GOLGA8M: variants seen among roughly 807,000 people sequenced by gnomAD.
The protein encoded by GOLGA8M is golgin A8 family member M.
GOLGA8M carries 34 observed loss-of-function variants against 87.7 expected under a neutral mutation model. The ratio of observed to expected loss-of-function variants is 0.39; its 90% CI spans 0.29 to 0.52. GOLGA8M has a LOEUF of 0.52. Among genes scored for constraint, GOLGA8M ranks in the 20% least tolerant of loss-of-function variants. GOLGA8M has a pLI of 0.80. For synonymous variants in GOLGA8M, 138 were observed against 250.2 expected (o/e 0.55, Z 4.23); for missense variants, 396 against 682.2 (o/e 0.58, Z 4.67).
chr15:28,708,114 C>T lies in GOLGA8M; in HGVS notation c.396+12G>A. ...CCGGAGGACAGGAGGAAACTGCACACCCTCCACTCACCTCTAGCACCCTTT... is the reference window on the plus strand; with the variant it reads ...CCGGAGGACAGGAGGAAACTGCACATCCTCCACTCACCTCTAGCACCCTTT... On this transcript the variant is annotated intron_variant, in intron 6 of 18. Transcript: ENST00000563027. 5 of 1,601,664 alleles carry T rather than the reference C, an allele frequency of 3.1e-6. No homozygotes were observed. Among genetic ancestry groups the T allele is most frequent in the Non-Finnish European group, 4.3e-6 (5 of 1,175,480 alleles).
At chr15:28,712,922 A>G (rs2080233069), upstream of GOLGA8M, among the ~76,000 whole-genome samples, 1 of 151,652 alleles carries the variant, frequency 6.6e-6, no homozygotes, top group Non-Finnish European at 1.5e-5. Flanking sequence ...ATTATCCAAC[A>G]TTCTAATAAG....
At chr15:28,705,069 C>T in intron 13 of GOLGA8M, 90 bp downstream of exon 13, 3 of 1,565,774 alleles carry the variant, frequency 1.9e-6, no homozygotes, top group Non-Finnish European at 2.6e-6. Context: ...AGGCTGGAAG[C>T]TGCCTCTGGC....
chr15:28,704,604 G>A (rs1000496296), intron 13 of GOLGA8M, among the ~76,000 whole-genome samples: 2 of 147,730 alleles, frequency 1.4e-5, no homozygotes, highest in Non-Finnish European at 1.5e-5. Flanking sequence ...TCAGACAAGA[G>A]TGTCACTCTG....
chr15:28,703,957 C>A (rs772421387), intron 13 of GOLGA8M, 40 bp from the exon 14 acceptor site: 89 of 1,589,552 alleles, frequency 5.6e-5, no homozygotes, highest in Non-Finnish European at 7.3e-5. Context: ...TGGAGTTTGC[C>A]AGGTCGTCCC....
At chr15:28,705,084 T>C (rs762560202) in intron 13 of GOLGA8M, 75 bp downstream of exon 13, 73 of 1,580,514 alleles carry the variant, frequency 4.6e-5, no homozygotes, top group South Asian at 1.0e-4. Context: ...TCTGGCCTGG[T>C]ACCTCCCCTC....
chr15:28,703,667 G>C, intron 14 of GOLGA8M, 175 bp downstream of exon 14: 8 of 795,430 alleles, frequency 1.0e-5, no homozygotes, highest in Non-Finnish European at 1.2e-5. Flanking sequence ...TAGGCAACTT[G>C]GTGACCCCCC....
rs1282158815 is a variant in GOLGA8M at position 28,698,638 on chromosome 15, T to A, written c.*3316A>T. Among the ~76,000 whole-genome samples, 2 of 147,338 alleles carry A rather than the reference T, an allele frequency of 1.4e-5. No homozygotes were observed. Among genetic ancestry groups the A allele is most frequent in the African/African-American group, 5.3e-5 (2 of 37,908 alleles). The stretch of plus-strand genomic sequence containing the variant: ...TGGTTTTTAATAAACACTTGCATAG[T>A]TATATTACAACTTTGTAAAAATGAA... On this transcript the variant is annotated 3_prime_UTR_variant, in exon 19 of 19. Coordinates refer to ENST00000563027, the MANE Select transcript of GOLGA8M (RefSeq NM_001282468.3).
At position 28,701,670 on chromosome 15, in the gene GOLGA8M, T is replaced by G. The variant is rs1199148436; in HGVS notation, c.*284A>C. 2.0e-5 allele frequency among the ~76,000 whole-genome samples: 3 copies of G among 151,790 alleles called. No homozygotes were observed. Among genetic ancestry groups the G allele is most frequent in the Non-Finnish European group, 4.4e-5 (3 of 67,902 alleles). The stretch of plus-strand genomic sequence containing the variant: ...GAGTGGGTCTTTGTGTGTTTGAACT[T>G]CCACCACGTAAGGGCAAACTCGATA... On this transcript the variant is annotated 3_prime_UTR_variant, in exon 19 of 19. Transcript: ENST00000563027.
intron 13 of GOLGA8M, chr15:28,704,886 A>T (rs2140920050): frequency 1.8e-5 from 13 of 736,726 alleles, no homozygotes; most frequent in East Asian, 4.1e-5. Flanking sequence ...TGCACCTGGC[A>T]TAAGGAGCCT....
chr15:28,702,600 G>A (rs529999241), intron 16 of GOLGA8M, 38 bp from the exon 17 acceptor site: 103 of 1,609,840 alleles, frequency 6.4e-5, no homozygotes, highest in African/African-American at 4.0e-4. Context: ...GGGCCCCTCC[G>A]ACGGTCCTGC....
intron 2 of GOLGA8M, among the ~76,000 whole-genome samples, chr15:28,710,092 T>TTC (rs896181128): frequency 1.4e-5 from 2 of 145,238 alleles, no homozygotes; most frequent in South Asian, 2.2e-4. Context: ...CCTTTTTTTT[T>TTC]CTTTGAGACA....
chr15:28,708,294 G>T, intron 5 of GOLGA8M, 81 bp downstream of exon 5: 1 of 1,611,842 alleles, frequency 6.2e-7, no homozygotes, highest in South Asian at 1.1e-5. Flanking sequence ...CAGGTTATCG[G>T]GGCCCTGTGG....
In GOLGA8M at chr15:28,702,643, A is replaced by G. The variant is rs1279174438; in HGVS notation, c.1469+2T>C. 1 of 1,609,684 alleles carries G rather than the reference A, an allele frequency of 6.2e-7. No individual in the cohort carries two copies. The highest frequency in any genetic ancestry group is 8.5e-7 in the Non-Finnish European group (1 of 1,179,920). ...CCTGCCGTGCCCTGGCCTCCCACTC[A>G]CTGATGGCATCTCTCTTGCCAGTAT... On this transcript the variant is annotated splice_donor_variant, in intron 16 of 18. Coordinates refer to ENST00000563027, the MANE Select transcript of GOLGA8M (RefSeq NM_001282468.3). LOFTEE classifies it high-confidence loss of function.
chr15:28,702,789 C>T lies in GOLGA8M; in HGVS notation c.1369-44G>A, dbSNP rs778631416. 161 of 1,587,924 alleles carry T rather than the reference C, an allele frequency of 1.0e-4. No individual in the cohort carries two copies. The Middle Eastern group carries it at 1.3e-3, about 12-fold the overall frequency. Reference sequence around the variant, plus strand: ...AGTCACATCTCGGCAGCGACCTGCCCTCAGGTGGCATTTTCAAGTCATGGA... The same window carrying T: ...AGTCACATCTCGGCAGCGACCTGCCTTCAGGTGGCATTTTCAAGTCATGGA... On this transcript the variant is annotated intron_variant, in intron 15 of 18. Transcript: ENST00000563027.
intron 13 of GOLGA8M, 47 bp downstream of exon 13, chr15:28,705,112 G>C (rs564674656): frequency 6.3e-7 from 1 of 1,595,388 alleles, no homozygotes; most frequent in South Asian, 1.1e-5. Flanking sequence ...GCTGCTGCCC[G>C]CCTCCCAGCC....
chr15:28,702,116 C>T lies in GOLGA8M; in HGVS notation c.1737G>A (p.Val579=), dbSNP rs2079802957. The change falls in exon 19 of 19, where the codon GTG becomes GTA. Residue 579 remains valine (V), a synonymous_variant. Coordinates refer to ENST00000563027, the MANE Select transcript of GOLGA8M (RefSeq NM_001282468.3). ...AADKHGDLCE[V]SLTSSAQGEA... is the part of the protein sequence containing the mutation. Reference sequence around the variant, plus strand: ...CTCCTTGGGCAGAGGAGGTGAGGCTCACCTCACAAAGATCTTTGGAGAGAG... The same window carrying T: ...CTCCTTGGGCAGAGGAGGTGAGGCTTACCTCACAAAGATCTTTGGAGAGAG... The T allele has an allele frequency of 1.3e-6, 2 of 1,581,602 alleles. No homozygotes were observed. The highest frequency in any genetic ancestry group is 1.4e-5 in the African/African-American group (1 of 72,728).
upstream of GOLGA8M, among the ~76,000 whole-genome samples, chr15:28,712,759 A>T (rs1032151235): frequency 2.0e-5 from 3 of 152,210 alleles, no homozygotes; most frequent in African/African-American, 7.2e-5. Flanking sequence ...AGCTGTCTTC[A>T]TTATCCAGCT....
rs1357161616 is a variant in GOLGA8M at position 28,700,755 on chromosome 15, AC to A, written c.*1198del. 6.6e-6 allele frequency among the ~76,000 whole-genome samples: 1 copy of A among 152,010 alleles called. No homozygotes were observed. Among genetic ancestry groups the A allele is most frequent in the African/African-American group, 2.4e-5 (1 of 41,320 alleles). On this transcript the variant is annotated 3_prime_UTR_variant, in exon 19 of 19. Coordinates refer to ENST00000563027, the MANE Select transcript of GOLGA8M (RefSeq NM_001282468.3). The stretch of plus-strand genomic sequence containing the variant: ...AGAAGTAAATTCCTATGTCAGAGTA[AC>A]CAAGGTGGTTGAAGAATAGGTATTA...
rs574815144 is a variant in GOLGA8M, at chr15:28,704,416, C to A, written c.1201-499G>T. Among the ~76,000 whole-genome samples the A allele has an allele frequency of 5.7e-4, 84 of 147,354 alleles. 1 individual carries two copies. Among genetic ancestry groups the A allele is most frequent in the Non-Finnish European group, 9.7e-4 (66 of 67,862 alleles). ...TTCCTAGAACCCCATGCCTCCTTCC[C>A]CAGCCTCAAATCTCATACCCTCTTC... On this transcript the variant is annotated intron_variant, in intron 13 of 18. Coordinates refer to ENST00000563027, the MANE Select transcript of GOLGA8M (RefSeq NM_001282468.3).
Sources: gnomAD v4.1 joint callset for allele counts (sites outside exome capture counted in the v4.1 genomes callset) on GRCh38, gnomAD v4.1.1 for gene constraint, MANE v1.5 for transcripts, NCBI Gene and HGNC (gene_info 2026-07-23, HGNC 2026-07-21) for gene names.